CACNA1D: variants seen among roughly 807,000 people sequenced by gnomAD.
CACNA1D encodes calcium voltage-gated channel subunit alpha1 D, also known as voltage-dependent L-type calcium channel subunit alpha-1D.
Under a neutral mutation model 257.1 loss-of-function variants are expected in CACNA1D, and 55 were observed. The observed-to-expected ratio is 0.21, with a 90% confidence interval of 0.17 to 0.27. The LOEUF (loss-of-function observed/expected upper bound fraction) is 0.27. Among genes scored for constraint, CACNA1D ranks in the 10% least tolerant of loss-of-function variants. CACNA1D has a pLI of 1.00. For missense variants in CACNA1D, 1,876 were observed against 2,784.0 expected (o/e 0.67, Z 7.34); for synonymous variants, 980 against 1,014.9 (o/e 0.97, Z 0.65).
chr3:53,755,184 G>C (rs976271747), intron 29 of CACNA1D, among the ~76,000 whole-genome samples: 3 of 152,206 alleles, frequency 2.0e-5, no homozygotes, highest in Non-Finnish European at 4.4e-5. Flanking sequence ...AGGTACTTGA[G>C]AAATGCAACA....
chr3:53,702,939 T>C, intron 9 of CACNA1D, 129 bp downstream of exon 9: 1 of 943,760 alleles, frequency 1.1e-6, no homozygotes, highest in Non-Finnish European at 1.7e-6. Flanking sequence ...TCTGGTCCCT[T>C]CTGCCTGCAC....
intron 3 of CACNA1D, among the ~76,000 whole-genome samples, chr3:53,619,556 C>A (rs1350485704): frequency 6.6e-6 from 1 of 152,182 alleles, no homozygotes; most frequent in East Asian, 1.9e-4. Context: ...GTGGCTATTA[C>A]CATCCTTACT....
At chr3:53,552,296 G>A (rs1042739038) in intron 3 of CACNA1D, among the ~76,000 whole-genome samples, 10 of 152,122 alleles carry the variant, frequency 6.6e-5, no homozygotes, top group African/African-American at 2.2e-4. Context: ...GTAAGGGCTG[G>A]GTCGGAAGCT....
intron 40 of CACNA1D, chr3:53,790,854 A>G: frequency 3.1e-6 from 2 of 645,524 alleles, no homozygotes; most frequent in Non-Finnish European, 5.5e-6. Context: ...TTGTTTTGTT[A>G]TTTTTTTAAA....
intron 3 of CACNA1D, among the ~76,000 whole-genome samples, chr3:53,522,336 T>C (rs758431241): frequency 1.3e-5 from 2 of 152,138 alleles, no homozygotes; most frequent in Non-Finnish European, 2.9e-5. Flanking sequence ...TACCTGCTGC[T>C]CAGGCTTCTT....
chr3:53,629,521 T>C (rs1189305663), intron 3 of CACNA1D, among the ~76,000 whole-genome samples: 1 of 152,230 alleles, frequency 6.6e-6, no homozygotes, highest in Non-Finnish European at 1.5e-5. Flanking sequence ...AGTCTGTCAC[T>C]GGGGTGACTT....
chr3:53,778,516 A>G (rs1215451635), intron 37 of CACNA1D, among the ~76,000 whole-genome samples: 1 of 152,258 alleles, frequency 6.6e-6, no homozygotes, highest in Non-Finnish European at 1.5e-5. Context: ...AAGAGAAAGA[A>G]AATCTTTTCT....
chr3:53,786,882 A>C lies in CACNA1D; in HGVS notation c.4853A>C (p.Lys1618Thr). ...TTCCTGATACAGGACTACTTTAGGA[A>C]ATTCAAGAAACGGAAAGAACAAGGA... ...ATFLIQDYFR[K>T]FKKRKEQGLV... Residue 1618 changes from lysine (K) to threonine (T), a missense_variant, in exon 40 of 48, where the codon AAA becomes ACA. By Grantham distance (78) the Lys-to-Thr change is moderately conservative. Transcript: ENST00000350061. The C allele has an allele frequency of 2.5e-6, 4 of 1,613,960 alleles. No homozygotes were observed. The highest frequency in any genetic ancestry group is 3.4e-6 in the Non-Finnish European group (4 of 1,179,826).
At chr3:53,633,065 T>C (rs1476641309) in intron 3 of CACNA1D, among the ~76,000 whole-genome samples, 1 of 152,248 alleles carries the variant, frequency 6.6e-6, no homozygotes, top group Non-Finnish European at 1.5e-5. Context: ...GCATTGTCTG[T>C]GAAGCTCAAT....
intron 30 of CACNA1D, among the ~76,000 whole-genome samples, chr3:53,764,208 T>A (rs571315850): frequency 6.6e-6 from 1 of 152,364 alleles, no homozygotes; most frequent in Admixed American, 6.5e-5. Flanking sequence ...ATGTAAATGA[T>A]GCTTGGTTGT....
At chr3:53,572,121 C>A (rs974447900) in intron 3 of CACNA1D, among the ~76,000 whole-genome samples, 11 of 152,126 alleles carry the variant, frequency 7.2e-5, no homozygotes, top group South Asian at 2.1e-4. Context: ...CATCTCTTCC[C>A]CTGACCTGTT....
At chr3:53,741,727 C>T (rs922102846) in intron 21 of CACNA1D, among the ~76,000 whole-genome samples, 4 of 152,104 alleles carry the variant, frequency 2.6e-5, no homozygotes, top group Non-Finnish European at 4.4e-5. Context: ...GAACACTCAC[C>T]GGCTCAGCTT....
chr3:53,532,543 A>T (rs116177285), intron 3 of CACNA1D, among the ~76,000 whole-genome samples: 2,911 of 152,192 alleles, frequency 0.019, 97 homozygotes, highest in African/African-American at 0.065. Flanking sequence ...GAGATGGATA[A>T]AGATAAGTGT....
At chr3:53,576,171 A>G (rs950373945) in intron 3 of CACNA1D, among the ~76,000 whole-genome samples, 1 of 152,160 alleles carries the variant, frequency 6.6e-6, no homozygotes, top group Admixed American at 6.5e-5. Context: ...CTGCTTTTCA[A>G]CTGGGAAACG....
chr3:53,685,535 A>G (rs1258957942), intron 8 of CACNA1D, among the ~76,000 whole-genome samples: 2 of 152,172 alleles, frequency 1.3e-5, no homozygotes, highest in African/African-American at 2.4e-5. Flanking sequence ...CATTCTTTTC[A>G]GAGCACGTGG....
chr3:53,731,891 C>T (rs980506366), intron 17 of CACNA1D, 125 bp from the exon 18 acceptor site: 1 of 743,972 alleles, frequency 1.3e-6, no homozygotes, highest in African/African-American at 1.7e-5. Context: ...TCCCTGCACA[C>T]TCAAATACAG....
intron 3 of CACNA1D, among the ~76,000 whole-genome samples, chr3:53,532,124 G>T (rs372966809): frequency 6.6e-6 from 1 of 152,122 alleles, no homozygotes; most frequent in African/African-American, 2.4e-5. Context: ...CTGAATTGTC[G>T]CAAAGTTATG....
chr3:53,525,764 G>T (rs1047332618), intron 3 of CACNA1D, among the ~76,000 whole-genome samples: 7 of 152,140 alleles, frequency 4.6e-5, no homozygotes, highest in Non-Finnish European at 7.4e-5. Flanking sequence ...TTCAGTTGGG[G>T]ATAGATGGCC....
Position 53,731,076 on chromosome 3 carries a change from GA to G in CACNA1D, c.2340del (p.Glu781ArgfsTer3). 1 of 1,592,036 alleles carries G rather than the reference GA, an allele frequency of 6.3e-7. No homozygotes were observed. Among genetic ancestry groups the G allele is most frequent in the Non-Finnish European group, 8.6e-7 (1 of 1,160,212 alleles). On this transcript the variant is annotated frameshift_variant and splice_region_variant, in exon 17 of 48. Transcript: ENST00000350061. LOFTEE classifies it high-confidence loss of function. ...AEEKERKKIA[R>X]KESLENKKNN... is the part of the protein sequence containing the mutation. ...CTTGTGCTCTTTTCTCTTCTCTTTA[GA>G]AAAGAGAGCCTAGAAAATAAAAAGA...
Sources: gnomAD v4.1 joint callset for allele counts (sites outside exome capture counted in the v4.1 genomes callset) on GRCh38, gnomAD v4.1.1 for gene constraint, MANE v1.5 for transcripts, NCBI Gene and HGNC (gene_info 2026-07-23, HGNC 2026-07-21) for gene names.